Variants in COL25A1 observed in about 807,000 individuals in gnomAD.
The protein encoded by COL25A1 is collagen alpha-1(XXV) chain.
In COL25A1, 103 loss-of-function variants were observed where a neutral mutation model predicts 128.4. The observed-to-expected ratio is 0.80, with a 90% confidence interval of 0.68 to 0.94. The LOEUF (loss-of-function observed/expected upper bound fraction) is 0.94, where lower values mean the gene tolerates loss of function less well. COL25A1 is among the 40% of genes least tolerant of loss of function. The pLI, the probability that COL25A1 is intolerant of heterozygous loss-of-function variation, is 0.00. For missense variants in COL25A1, 745 were observed against 840.0 expected (o/e 0.89, Z 1.40); for synonymous variants, 279 against 277.2 (o/e 1.01, Z -0.06).
intron 3 of COL25A1, among the ~76,000 whole-genome samples, chr4:109,086,323 T>G (rs1482158004): frequency 2.6e-5 from 4 of 152,196 alleles, no homozygotes; most frequent in East Asian, 3.9e-4. Context: ...GGAATCTTAC[T>G]TGGTAAATTA....
At chr4:109,129,434 C>G (rs1579457401) in intron 3 of COL25A1, among the ~76,000 whole-genome samples, 2 of 152,200 alleles carry the variant, frequency 1.3e-5, no homozygotes, top group Middle Eastern at 6.8e-3. Context: ...CAGCCCTTGT[C>G]AAATAATTTC....
intron 3 of COL25A1, among the ~76,000 whole-genome samples, chr4:109,130,427 T>C (rs1769076716): frequency 6.6e-6 from 1 of 151,946 alleles, no homozygotes; most frequent in African/African-American, 2.4e-5. Context: ...AGAATGGCAC[T>C]GAAAAAAAAT....
At chr4:108,912,293 G>T (rs939426852) in intron 13 of COL25A1, among the ~76,000 whole-genome samples, 3 of 152,034 alleles carry the variant, frequency 2.0e-5, no homozygotes, top group African/African-American at 7.2e-5. Flanking sequence ...TCTTATTATA[G>T]TTACTAGAGG....
At chr4:108,927,900 A>C (rs1746257488) in intron 11 of COL25A1, among the ~76,000 whole-genome samples, 1 of 152,220 alleles carries the variant, frequency 6.6e-6, no homozygotes, top group African/African-American at 2.4e-5. Context: ...ACCATAGATT[A>C]AAGATAAATC....
intron 3 of COL25A1, among the ~76,000 whole-genome samples, chr4:109,123,027 G>A: frequency 6.6e-6 from 1 of 152,040 alleles, no homozygotes; most frequent in East Asian, 1.9e-4. Flanking sequence ...AAGCTAAAAT[G>A]TAACTATTGC....
chr4:109,298,763 T>C (rs1342291817), intron 3 of COL25A1, among the ~76,000 whole-genome samples: 1 of 152,244 alleles, frequency 6.6e-6, no homozygotes, highest in African/African-American at 2.4e-5. Flanking sequence ...TGATTCTGCA[T>C]ATTAGAATGC....
chr4:109,288,254 A>G (rs1178199614), intron 3 of COL25A1, among the ~76,000 whole-genome samples: 1 of 152,246 alleles, frequency 6.6e-6, no homozygotes, highest in African/African-American at 2.4e-5. Context: ...AAAAGGCTAG[A>G]TATTTTTGTA....
At chr4:109,042,623 A>G (rs1294329095) in intron 5 of COL25A1, among the ~76,000 whole-genome samples, 1 of 152,144 alleles carries the variant, frequency 6.6e-6, no homozygotes, top group Non-Finnish European at 1.5e-5. Flanking sequence ...TATTATAGAA[A>G]AAATACAGTT....
chr4:108,932,220 A>AATTG (rs1198394252), intron 11 of COL25A1, among the ~76,000 whole-genome samples: 1 of 152,118 alleles, frequency 6.6e-6, no homozygotes, highest in Non-Finnish European at 1.5e-5. Flanking sequence ...ATGCATTATA[A>AATTG]ATTGAACATA....
intron 8 of COL25A1, 120 bp from the exon 9 acceptor site, chr4:108,941,557 A>G: frequency 1.5e-6 from 1 of 665,762 alleles, no homozygotes; most frequent in South Asian, 2.0e-5. Flanking sequence ...TGATTATTAA[A>G]CAAAATAGAA....
At chr4:108,840,934 C>T (rs1202616227) in intron 31 of COL25A1, among the ~76,000 whole-genome samples, 2 of 152,152 alleles carry the variant, frequency 1.3e-5, no homozygotes, top group East Asian at 3.8e-4. Flanking sequence ...CAGAGAGGGT[C>T]CATAATCTGC....
rs373938534 is a variant in COL25A1, at chr4:109,018,391, A to G, written c.421-8016T>C. On this transcript the variant is annotated intron_variant, in intron 5 of 37. Transcript: ENST00000399132. ...AGGCACGCTCCACCACTCCCAGAAA[A>G]TTTTTTATATTTAGTAGAGATGGGG... 1.3e-4 allele frequency among the ~76,000 whole-genome samples: 20 copies of G among 152,050 alleles called. No individual in the cohort carries two copies. The South Asian group carries it at 4.0e-3, about 30-fold the overall frequency.
At chr4:109,254,161 G>C (rs1184485718) in intron 3 of COL25A1, among the ~76,000 whole-genome samples, 3 of 151,316 alleles carry the variant, frequency 2.0e-5, no homozygotes, top group Non-Finnish European at 4.4e-5. Flanking sequence ...CCAACAAGTT[G>C]TGGTATAGAT....
chr4:108,958,719 GCTAA>G (rs980302557), intron 8 of COL25A1, among the ~76,000 whole-genome samples: 55 of 151,818 alleles, frequency 3.6e-4, no homozygotes, highest in African/African-American at 1.2e-3. Flanking sequence ...CTACAACTGT[GCTAA>G]CTTTCTAAAA....
chr4:108,825,574 T>C (rs1446270614), intron 33 of COL25A1, among the ~76,000 whole-genome samples: 27 of 152,178 alleles, frequency 1.8e-4, no homozygotes, highest in Admixed American at 1.8e-3. Flanking sequence ...TTGGGTTAAA[T>C]AGACTAATAT....
intron 5 of COL25A1, among the ~76,000 whole-genome samples, chr4:109,019,838 A>T (rs1203930386): frequency 6.6e-6 from 1 of 152,220 alleles, no homozygotes; most frequent in Non-Finnish European, 1.5e-5. Flanking sequence ...AGAGGAGGCT[A>T]TGTATACACC....
intron 3 of COL25A1, among the ~76,000 whole-genome samples, chr4:109,065,541 CGCGCGT>C (rs1419012744): frequency 3.0e-5 from 4 of 133,554 alleles, no homozygotes; most frequent in African/African-American, 1.1e-4. Flanking sequence ...CACGCGCGCG[CGCGCGT>C]GTGTGTGTGT....
Position 109,239,573 on chromosome 4 carries a change from T to A in COL25A1, c.367+61010A>T, listed in dbSNP as rs76152764. On this transcript the variant is annotated intron_variant, in intron 3 of 37. Transcript: ENST00000399132. ...AAAATATTTTTTTAAGTGGTACTTG[T>A]ATAAGTCACTTACCATGAATGGAGC... Among the ~76,000 whole-genome samples, 877 of 151,678 alleles carry A rather than the reference T, an allele frequency of 5.8e-3. 19 individuals carry two copies. Among genetic ancestry groups the A allele is most frequent in the East Asian group, 0.042 (216 of 5,164 alleles).
chr4:109,254,967 T>C (rs1037956193), intron 3 of COL25A1, among the ~76,000 whole-genome samples: 4 of 152,208 alleles, frequency 2.6e-5, no homozygotes, highest in African/African-American at 7.2e-5. Context: ...TTTCGCAGAA[T>C]TGCACTAATG....
Sources: gnomAD v4.1 joint callset for allele counts (sites outside exome capture counted in the v4.1 genomes callset) on GRCh38, gnomAD v4.1.1 for gene constraint, MANE v1.5 for transcripts, NCBI Gene and HGNC (gene_info 2026-07-23, HGNC 2026-07-21) for gene names.